The following TNN variants were observed in gnomAD, a reference collection of about 807,000 sequenced individuals.
TNN encodes tenascin-N.
A neutral mutation model predicts 134.4 loss-of-function variants in TNN; 122 were observed. That is an observed-to-expected ratio of 0.91 (90% CI 0.78 to 1.06). The LOEUF (loss-of-function observed/expected upper bound fraction) is 1.06, where lower values mean the gene tolerates loss of function less well. Ranked by LOEUF, TNN falls within the 50% of genes least tolerant of loss-of-function variation. TNN has a pLI of 0.00. For missense variants in TNN, 1,739 were observed against 1,699.4 expected (o/e 1.02, Z -0.41); for synonymous variants, 710 against 670.3 (o/e 1.06, Z -0.91).
chr1:175,100,043 C>G (rs1674679953), intron 9 of TNN, among the ~76,000 whole-genome samples: 1 of 152,170 alleles, frequency 6.6e-6, no homozygotes, highest in African/African-American at 2.4e-5. Context: ...TCCATTCAAC[C>G]AGATGCACAG....
chr1:175,096,721 T>C (rs1390554960), intron 7 of TNN, among the ~76,000 whole-genome samples: 1 of 152,246 alleles, frequency 6.6e-6, no homozygotes, highest in Non-Finnish European at 1.5e-5. Flanking sequence ...CAATATCTCA[T>C]TTACTATCAC....
intron 4 of TNN, among the ~76,000 whole-genome samples, chr1:175,082,327 A>G (rs903428175): frequency 6.6e-6 from 1 of 152,220 alleles, no homozygotes; most frequent in Admixed American, 6.5e-5. Flanking sequence ...AATCTGATTC[A>G]GGTTAAACAC....
intron 1 of TNN, among the ~76,000 whole-genome samples, chr1:175,073,584 C>A (rs1449984068): frequency 1.3e-5 from 2 of 152,218 alleles, no homozygotes; most frequent in Non-Finnish European, 2.9e-5. Flanking sequence ...ATGCTGGAAC[C>A]TGCAGAGAAG....
intron 16 of TNN, 148 bp downstream of exon 16, chr1:175,136,089 G>A (rs1487415937): frequency 6.4e-6 from 4 of 623,180 alleles, no homozygotes; most frequent in Non-Finnish European, 1.2e-5. Context: ...GGGTGTTGGT[G>A]GGCATGTTGA....
At chr1:175,075,747 C>A (rs553688106) in intron 1 of TNN, among the ~76,000 whole-genome samples, 1 of 152,310 alleles carries the variant, frequency 6.6e-6, no homozygotes, top group South Asian at 2.1e-4. Flanking sequence ...AGAGGGGTGA[C>A]GCGCTGTCAT....
chr1:175,084,075 C>G (rs1440577879), intron 5 of TNN, 140 bp downstream of exon 5: 30 of 870,634 alleles, frequency 3.4e-5, no homozygotes, highest in Non-Finnish European at 4.4e-5. Context: ...TGAATCTGAC[C>G]CTTGAATCTG....
Position 175,079,421 on chromosome 1 carries a change from C to CGA in TNN, c.500_501dup (p.Arg168SerfsTer114). ...AAGAGGGCAGGGAGGGCCCCGCCTG[C>CGA]GAGCGGCTGGCCTGCCCCGGGGCGT... On this transcript the variant is annotated frameshift_variant, in exon 3 of 19. Transcript: ENST00000239462. LOFTEE classifies it high-confidence loss of function. 1 of 1,587,768 alleles carries CGA rather than the reference C, an allele frequency of 6.3e-7. No individual in the cohort carries two copies. Among genetic ancestry groups the CGA allele is most frequent in the Non-Finnish European group, 8.5e-7 (1 of 1,170,686 alleles).
rs201502431 is a variant in TNN, at chr1:175,128,595, T to C, written c.3179T>C (p.Val1060Ala). Reference sequence around the variant, plus strand: ...AACACTCTCTCTGCTTGGCTCCCAGTTGGTGCCCGTTTCCCACACCCTTCG... The same window carrying C: ...AACACTCTCTCTGCTTGGCTCCCAGCTGGTGCCCGTTTCCCACACCCTTCG... ...SRNVSTTLSTVGARFPHPSDC... is the reference protein window; with the variant it reads ...SRNVSTTLSTAGARFPHPSDC... The change falls in exon 15 of 19, where the codon GTT becomes GCT. Residue 1060 changes from valine to alanine, a missense_variant and splice_region_variant. By Grantham distance (64) the Val-to-Ala change is moderately conservative (BLOSUM62 0). Transcript: ENST00000239462. 1 of 1,609,602 alleles carries C rather than the reference T, an allele frequency of 6.2e-7. No individual in the cohort carries two copies. Among genetic ancestry groups the C allele is most frequent in the East Asian group, 2.2e-5 (1 of 44,460 alleles).
At chr1:175,137,055 T>C in intron 17 of TNN, 67 bp downstream of exon 17, 1 of 1,521,382 alleles carries the variant, frequency 6.6e-7, no homozygotes, top group Non-Finnish European at 9.1e-7. Context: ...TGGTTTGCCG[T>C]GTGCCACTGA....
intron 17 of TNN, among the ~76,000 whole-genome samples, chr1:175,139,162 C>T (rs1463389780): frequency 6.6e-6 from 1 of 152,180 alleles, no homozygotes; most frequent in Non-Finnish European, 1.5e-5. Flanking sequence ...TTCGGCCACA[C>T]TAAATTTATT....
intron 6 of TNN, among the ~76,000 whole-genome samples, chr1:175,087,073 T>C (rs1674336957): frequency 6.6e-6 from 1 of 152,216 alleles, no homozygotes; most frequent in South Asian, 2.1e-4. Context: ...GATACCCAAG[T>C]CTAAACCTTT....
At chr1:175,136,001 T>A in intron 16 of TNN, 60 bp downstream of exon 16, 2 of 1,286,346 alleles carry the variant, frequency 1.6e-6, no homozygotes, top group Non-Finnish European at 1.1e-6. Context: ...CAGGACAAGC[T>A]AGCTAGGAGG....
chr1:175,083,908 G>A lies in TNN; in HGVS notation c.1207G>A (p.Asp403Asn). 6.2e-7 allele frequency: 1 copy of A among 1,614,038 alleles called. No homozygotes were observed. The highest frequency in any genetic ancestry group is 8.5e-7 in the Non-Finnish European group (1 of 1,180,022). ...VAEVTVPKSS[D>N]PKSRYDITGL... ...TGAGGTCACTGTGCCCAAGAGCAGT[G>A]ACCCCAAGAGCCGATATGACATCAC... is the stretch of plus-strand genomic sequence containing the variant. The change falls in exon 5 of 19, where the codon GAC becomes AAC. Residue 403 changes from aspartate (D) to asparagine (N), a missense_variant. Transcript: ENST00000239462.
intron 9 of TNN, among the ~76,000 whole-genome samples, chr1:175,103,610 ACTT>A (rs1438789466): frequency 2.1e-5 from 3 of 142,122 alleles, no homozygotes; most frequent in Non-Finnish European, 4.7e-5. Context: ...TCTCTCTTCG[ACTT>A]CTTCTTTGTC....
In TNN at chr1:175,083,916, G is replaced by A. The variant is rs1674261227; in HGVS notation, c.1215G>A (p.Lys405=). The change falls in exon 5 of 19, where the codon AAG becomes AAA. Residue 405 remains lysine (K), a synonymous_variant. Transcript: ENST00000239462. The stretch of plus-strand genomic sequence containing the variant: ...CTGTGCCCAAGAGCAGTGACCCCAA[G>A]AGCCGATATGACATCACTGGTAAGA... ...EVTVPKSSDP[K]SRYDITGLHP... The A allele has an allele frequency of 3.1e-6, 5 of 1,614,022 alleles. No homozygotes were observed. The African/African-American group carries it at 4.0e-5, about 13-fold the overall frequency.
rs749294918 is a variant in TNN, at chr1:175,146,970, A to G, written c.3799A>G (p.Ile1267Val). Reference sequence around the variant, plus strand: ...GCCTTGGAAAGGACATGAATTCTCCATTCCTTACGTGGAGTTGAAAATCCG... The same window carrying G: ...GCCTTGGAAAGGACATGAATTCTCCGTTCCTTACGTGGAGTTGAAAATCCG... ...WEPWKGHEFSIPYVELKIRPH... is the reference protein window; with the variant it reads ...WEPWKGHEFSVPYVELKIRPH... Residue 1267 changes from isoleucine to valine, a missense_variant, in exon 19 of 19, where the codon ATT becomes GTT. By Grantham distance (29) the Ile-to-Val change is conservative (BLOSUM62 3). Transcript: ENST00000239462. 1.3e-6 allele frequency: 2 copies of G among 1,583,796 alleles called. No homozygotes were observed. The highest frequency in any genetic ancestry group is 1.8e-5 in the Admixed American group (1 of 56,610).
chr1:175,136,753 A>T lies in TNN; in HGVS notation c.3428-68A>T, dbSNP rs1016175788. The T allele has an allele frequency of 6.5e-5, 96 of 1,472,308 alleles. No individual in the cohort carries two copies. The African/African-American group carries it at 1.2e-3, about 19-fold the overall frequency. The allele number at this position is 1,472,308 out of a possible 1,614,324, so 91.2% of individuals were successfully genotyped here. On this transcript the variant is annotated intron_variant, in intron 16 of 18. Transcript: ENST00000239462. ...ACTTTAGGTTCTGAAAGCCTCAGACACACATGTTGAGTGCTTACTCGCACA... is the reference window on the plus strand; with the variant it reads ...ACTTTAGGTTCTGAAAGCCTCAGACTCACATGTTGAGTGCTTACTCGCACA...
Position 175,147,032 on chromosome 1 carries a change from A to G in TNN, c.3861A>G (p.Arg1287=). Residue 1287 remains arginine (R), a synonymous_variant, in exon 19 of 19, where the codon AGA becomes AGG. Coordinates refer to ENST00000239462, the MANE Select transcript of TNN (RefSeq NM_022093.2). The part of the protein sequence containing the change: ...HGYSREPVLG[R]KKRTLRGRLR... Reference sequence around the variant, plus strand: ...ACAGCAGGGAGCCTGTCCTGGGCAGAAAGAAGCGGACGCTGAGAGGAAGGC... The same window carrying G: ...ACAGCAGGGAGCCTGTCCTGGGCAGGAAGAAGCGGACGCTGAGAGGAAGGC... The G allele has an allele frequency of 1.9e-6, 3 of 1,597,630 alleles. No individual in the cohort carries two copies. The highest frequency in any genetic ancestry group is 1.1e-5 in the South Asian group (1 of 89,376).
intron 9 of TNN, among the ~76,000 whole-genome samples, chr1:175,115,422 G>A (rs1675140088): frequency 6.6e-6 from 1 of 152,202 alleles, no homozygotes; most frequent in Non-Finnish European, 1.5e-5. Flanking sequence ...TTTTACCAAA[G>A]TAATGATTCT....
Sources: allele counts gnomAD v4.1 joint callset (sites outside exome capture counted in the v4.1 genomes callset), GRCh38; gene constraint gnomAD v4.1.1; transcripts MANE v1.5; gene names NCBI Gene and HGNC (gene_info 2026-07-23, HGNC 2026-07-21).